Variants in ZNF217 observed in about 807,000 individuals in gnomAD.
ZNF217 encodes zinc finger protein 217.
Under a neutral mutation model 73.3 loss-of-function variants are expected in ZNF217, and 12 were observed. The ratio of observed to expected loss-of-function variants is 0.16; its 90% CI spans 0.10 to 0.27. The LOEUF (loss-of-function observed/expected upper bound fraction) is 0.27. Among genes scored for constraint, ZNF217 ranks in the 10% least tolerant of loss-of-function variants. The pLI, the probability that ZNF217 is intolerant of heterozygous loss-of-function variation, is 1.00. For missense variants in ZNF217, 1,195 were observed against 1,327.8 expected, an observed-to-expected ratio of 0.90 and a Z score of 1.55; for synonymous variants, 588 against 516.4, an observed-to-expected ratio of 1.14 and a Z score of -1.88.
chr20:53,582,977 T>G lies in ZNF217; in HGVS notation c.-151A>C. ...AAAGAAAGTGTATAGTCCTCTAACT[T>G]CTTCGAACTTTTAGGAAGCTCAGTG... On this transcript the variant is annotated 5_prime_UTR_variant, in exon 2 of 6. Coordinates refer to ENST00000371471, the MANE Select transcript of ZNF217 (RefSeq NM_006526.3). This position sits in a 1 kb window ranked among gnomAD's most constrained non-coding sequence, Gnocchi z 4.8. 1 of 791,256 alleles carries G rather than the reference T, an allele frequency of 1.3e-6. No homozygotes were observed. The allele number at this position is 791,256 out of a possible 1,614,324, so 49.0% of individuals were successfully genotyped here.
intron 5 of ZNF217, 102 bp downstream of exon 5, chr20:53,571,619 C>T (rs1988009000): frequency 4.3e-6 from 6 of 1,379,460 alleles, no homozygotes; most frequent in Non-Finnish European, 1.9e-6. Flanking sequence ...GTTGGCCAAG[C>T]TGGTCTCAAA....
intron 2 of ZNF217, among the ~76,000 whole-genome samples, chr20:53,579,267 C>A (rs1203066491): frequency 2.0e-5 from 3 of 152,166 alleles, no homozygotes; most frequent in Admixed American, 1.3e-4. Flanking sequence ...AAATACCACC[C>A]CCAAAACACA....
In ZNF217 at chr20:53,576,835, G is replaced by C. The variant is rs1164917000; in HGVS notation, c.1929C>G (p.Thr643=). Residue 643 remains threonine (T), a synonymous_variant, in exon 4 of 6, where the codon ACC becomes ACG. Coordinates refer to ENST00000371471, the MANE Select transcript of ZNF217 (RefSeq NM_006526.3). ...ETQANNLICR[T]KADVTPPPDG... is the part of the protein sequence containing the mutation. ...CCGGAGGAGGAGTAACATCCGCCTT[G>C]GTTCTACAGATGAGGTTATTTGCCT... 1 of 1,614,154 alleles carries C rather than the reference G, an allele frequency of 6.2e-7. No homozygotes were observed. The highest frequency in any genetic ancestry group is 1.1e-5 in the South Asian group (1 of 91,074).
rs2870268 is a variant in ZNF217, at chr20:53,586,424, G to A, written c.-342-3256C>T. Among the ~76,000 whole-genome samples the A allele has an allele frequency of 7.3e-3, 1,113 of 151,918 alleles. 23 individuals are homozygous for A. The highest frequency in any genetic ancestry group is 0.026 in the African/African-American group (1,068 of 41,428). ...TTTCAAGAGCGTAATAAAAAAAATC[G>A]TATTTAATCACACCATAAAGTTGAT... On this transcript the variant is annotated intron_variant, in intron 1 of 5. Coordinates refer to ENST00000371471, the MANE Select transcript of ZNF217 (RefSeq NM_006526.3).
At chr20:53,579,539 G>C (rs1417856829) in intron 2 of ZNF217, among the ~76,000 whole-genome samples, 1 of 152,138 alleles carries the variant, frequency 6.6e-6, no homozygotes, top group Non-Finnish European at 1.5e-5. Flanking sequence ...CAAACTAGCT[G>C]GGTTTATAAC....
chr20:53,576,526 C>T lies in ZNF217; in HGVS notation c.2238G>A (p.Lys746=). 6.2e-7 allele frequency: 1 copy of T among 1,614,238 alleles called. No individual in the cohort carries two copies. ...CGGTACGTCGACTTCTAAGCAAGGA[C>T]TTGTTTCGACAGTTTTTATGAACGT... ...NPDVHKNCRN[K]SLLRSRRTGC... is the part of the protein sequence containing the mutation. The change falls in exon 4 of 6, where the codon AAG becomes AAA. Residue 746 remains lysine, a synonymous_variant. Coordinates refer to ENST00000371471, the MANE Select transcript of ZNF217 (RefSeq NM_006526.3).
In ZNF217 at chr20:53,581,657, C is replaced by T; in HGVS notation, c.1170G>A (p.Leu390=). ...TCTTGTGGACCCTGGAGTGCAAGAC[C>T]AGCTGGTGGTAGGTTCTGAAAGCTT... ...CGKAFRTYHQ[L]VLHSRVHKKD... Residue 390 remains leucine (L), a synonymous_variant, in exon 2 of 6, where the codon CTG becomes CTA. Transcript: ENST00000371471. This position sits in a 1 kb window ranked among gnomAD's most constrained non-coding sequence, Gnocchi z 4.9. The T allele has an allele frequency of 6.2e-7, 1 of 1,614,228 alleles. No homozygotes were observed. The highest frequency in any genetic ancestry group is 8.5e-7 in the Non-Finnish European group (1 of 1,180,022).
intron 3 of ZNF217, among the ~76,000 whole-genome samples, 180 bp from the exon 4 acceptor site, chr20:53,577,460 T>A (rs1402361492): frequency 6.6e-6 from 1 of 152,244 alleles, no homozygotes; most frequent in Non-Finnish European, 1.5e-5. Context: ...AAATTATGAA[T>A]GCCTATCTTC....
chr20:53,580,354 T>G (rs1213464444), intron 2 of ZNF217, among the ~76,000 whole-genome samples: 1 of 152,208 alleles, frequency 6.6e-6, no homozygotes, highest in African/African-American at 2.4e-5. Flanking sequence ...AGGAGGCACT[T>G]GTTTTAACCG....
upstream of ZNF217, among the ~76,000 whole-genome samples, chr20:53,594,286 C>A (rs1988995936): frequency 1.3e-5 from 2 of 151,040 alleles, no homozygotes; most frequent in African/African-American, 4.9e-5. Context: ...GCAGCTGTTG[C>A]GCCCTCCCTC....
intron 1 of ZNF217, among the ~76,000 whole-genome samples, chr20:53,587,058 C>T (rs1486370011): frequency 2.0e-5 from 3 of 152,198 alleles, no homozygotes; most frequent in African/African-American, 7.2e-5. Context: ...CTCAGGTAAA[C>T]GACAGAACTT....
At chr20:53,594,362 G>T (rs1453512423), upstream of ZNF217, among the ~76,000 whole-genome samples, 1 of 69,794 alleles carries the variant, frequency 1.4e-5, no homozygotes, top group Non-Finnish European at 2.8e-5. Flanking sequence ...TGCCTTCACC[G>T]GCCGCCCGGC....
In ZNF217 at chr20:53,576,144, C is replaced by T. The variant is rs753631440; in HGVS notation, c.2620G>A (p.Gly874Ser). Residue 874 changes from glycine to serine, a missense_variant, in exon 4 of 6, where the codon GGC becomes AGC. Physicochemically the swap from Gly to Ser is moderately conservative, Grantham distance 56. Transcript: ENST00000371471. ...ATGGAACCATTGATGTTACTGCTGC[C>T]GAGGGTGGGCTGAGAAGGAGCTACT... Reference protein sequence around the residue: ...LPVAPSQPTLGSSNINGSIDY... With the variant: ...LPVAPSQPTLSSSNINGSIDY... 9.9e-6 allele frequency: 16 copies of T among 1,614,034 alleles called. No individual in the cohort carries two copies. The highest frequency in any genetic ancestry group is 3.3e-5 in the Admixed American group (2 of 59,988).
upstream of ZNF217, among the ~76,000 whole-genome samples, chr20:53,596,606 A>C (rs182331540): frequency 3.1e-3 from 467 of 152,332 alleles, 1 homozygote; most frequent in Non-Finnish European, 5.9e-3. Flanking sequence ...GGAAACTCCA[A>C]AAGTAACAGG....
chr20:53,570,835 C>G (rs1395772652), intron 5 of ZNF217, among the ~76,000 whole-genome samples: 1 of 152,144 alleles, frequency 6.6e-6, no homozygotes, highest in African/African-American at 2.4e-5. Context: ...CTTTGCAGAC[C>G]TAGGACAAAA....
intron 1 of ZNF217, among the ~76,000 whole-genome samples, chr20:53,590,227 A>C (rs1359381939): frequency 2.6e-5 from 4 of 152,198 alleles, no homozygotes; most frequent in Non-Finnish European, 4.4e-5. Flanking sequence ...TCTAATTCTA[A>C]GGCTTGAAAA....
intron 3 of ZNF217, among the ~76,000 whole-genome samples, chr20:53,578,047 G>GGCTGCAGTGAGCCGAAATTGCACC (rs1988348212): frequency 6.6e-6 from 1 of 152,188 alleles, no homozygotes; most frequent in Non-Finnish European, 1.5e-5. Flanking sequence ...GGGAGGTGGA[G>GGCTGCAGTGAGCCGAAATTGCACC]GCTGCAGTGA....
intron 4 of ZNF217, among the ~76,000 whole-genome samples, chr20:53,573,971 G>A (rs1268781678): frequency 6.6e-6 from 1 of 152,004 alleles, no homozygotes; most frequent in Non-Finnish European, 1.5e-5. Context: ...TCGGGAGGCT[G>A]AGGTAGGAGA....
rs749696258 is a variant in ZNF217 at position 53,576,245 on chromosome 20, T to G, written c.2519A>C (p.Glu840Ala). The G allele has an allele frequency of 5.0e-6, 8 of 1,614,226 alleles. No individual in the cohort carries two copies. Among genetic ancestry groups the G allele is most frequent in the South Asian group, 4.4e-5 (4 of 91,078 alleles). ...QGAATRQQQS[E>A]MFPKTSVSPA... ...GGAAACACTGGTTTTAGGAAACATCTCAGATTGCTGTTGCCTGGTGGCGGC... is the reference window on the plus strand; with the variant it reads ...GGAAACACTGGTTTTAGGAAACATCGCAGATTGCTGTTGCCTGGTGGCGGC... Residue 840 changes from glutamate to alanine, a missense_variant, in exon 4 of 6, where the codon GAG becomes GCG. Transcript: ENST00000371471.
Sources: allele counts gnomAD v4.1 joint callset (sites outside exome capture counted in the v4.1 genomes callset), GRCh38; gene constraint gnomAD v4.1.1; non-coding constraint Gnocchi (gnomAD v3.1); transcripts MANE v1.5; gene names NCBI Gene and HGNC (gene_info 2026-07-23, HGNC 2026-07-21).